IP6K1: variants seen among roughly 807,000 people sequenced by gnomAD.
The protein encoded by IP6K1 is inositol hexakisphosphate kinase 1, also known as ATP:1D-myo-inositol-hexakisphosphate phosphotransferase.
In IP6K1, 13 loss-of-function variants were observed where a neutral mutation model predicts 38.3. The observed-to-expected ratio is 0.34, with a 90% confidence interval of 0.22 to 0.54. The LOEUF (loss-of-function observed/expected upper bound fraction) is 0.54, where lower values mean the gene tolerates loss of function less well. Among genes scored for constraint, IP6K1 ranks in the 20% least tolerant of loss-of-function variants. The pLI is 0.92. For missense variants in IP6K1, 397 were observed against 599.8 expected, an observed-to-expected ratio of 0.66 and a Z score of 3.53; for synonymous variants, 212 against 229.9, an observed-to-expected ratio of 0.92 and a Z score of 0.70.
Position 49,738,093 on chromosome 3 carries a change from C to A in IP6K1, c.434+119G>T, listed in dbSNP as rs2080630408. 4 of 785,330 alleles carry A rather than the reference C, an allele frequency of 5.1e-6. No homozygotes were observed. The South Asian group carries it at 6.4e-5, about 13-fold the overall frequency. The allele number at this position is 785,330 out of a possible 1,614,324, so 48.6% of individuals were successfully genotyped here. On this transcript the variant is annotated intron_variant, in intron 3 of 5. Transcript: ENST00000321599. The stretch of plus-strand genomic sequence containing the variant: ...AAGAGGCTACACCTGTGTGGGTATC[C>A]CAAGAACACCAGTCATCTTATCCAA...
chr3:49,727,989 A>G lies in IP6K1; in HGVS notation c.792+114T>C. The G allele has an allele frequency of 9.5e-7, 1 of 1,048,998 alleles. No individual in the cohort carries two copies. The highest frequency in any genetic ancestry group is 2.4e-5 in the East Asian group (1 of 41,938). 65.0% of individuals were successfully genotyped at this position (1,048,998 alleles called of 1,614,324 possible). On this transcript the variant is annotated intron_variant, in intron 5 of 5. Transcript: ENST00000321599. The surrounding 1 kb of genome is among the most constrained non-coding windows in gnomAD (Gnocchi z 5.9). ...ACCTGAGGCCCATATCAAAGTCAAC[A>G]GGTAAGGACAGAGGGGCTCAGGAGG...
chr3:49,730,412 C>T (rs1006918121), intron 4 of IP6K1, among the ~76,000 whole-genome samples: 1 of 152,202 alleles, frequency 6.6e-6, no homozygotes, highest in African/African-American at 2.4e-5. Context: ...ATCAGTGAAC[C>T]AAGGCCCTAC....
At chr3:49,755,985 A>C (rs2080819157) in intron 1 of IP6K1, among the ~76,000 whole-genome samples, 1 of 152,212 alleles carries the variant, frequency 6.6e-6, no homozygotes, top group African/African-American at 2.4e-5. Context: ...TTCTTCATGT[A>C]AGTAGGGCTG....
intron 2 of IP6K1, among the ~76,000 whole-genome samples, chr3:49,741,261 C>T (rs2080666670): frequency 6.6e-6 from 1 of 152,180 alleles, no homozygotes; most frequent in Non-Finnish European, 1.5e-5. Flanking sequence ...GTGGCTACAC[C>T]ACTTTACATT....
chr3:49,763,215 T>C (rs2108251305), intron 1 of IP6K1, among the ~76,000 whole-genome samples: 1 of 151,442 alleles, frequency 6.6e-6, no homozygotes, highest in Non-Finnish European at 1.5e-5. Flanking sequence ...ACCATTCTCC[T>C]GCCTAAGCCT....
chr3:49,780,576 G>A (rs1428247980), intron 1 of IP6K1, among the ~76,000 whole-genome samples: 1 of 152,082 alleles, frequency 6.6e-6, no homozygotes, highest in Non-Finnish European at 1.5e-5. Flanking sequence ...AGGGCAGGCA[G>A]CAAATACTGC....
chr3:49,756,797 A>T (rs1337188916), intron 1 of IP6K1, among the ~76,000 whole-genome samples: 1 of 147,908 alleles, frequency 6.8e-6, no homozygotes, highest in Non-Finnish European at 1.5e-5. Context: ...CGCCTGGGCA[A>T]CAAGGGCAAA....
At chr3:49,777,094 A>C (rs2081023144) in intron 1 of IP6K1, among the ~76,000 whole-genome samples, 3 of 152,054 alleles carry the variant, frequency 2.0e-5, no homozygotes, top group African/African-American at 7.2e-5. Context: ...GAATCAGTCC[A>C]TTGTGGTGGC....
chr3:49,753,890 G>A (rs763300479), intron 1 of IP6K1, among the ~76,000 whole-genome samples: 3 of 151,964 alleles, frequency 2.0e-5, no homozygotes, highest in Non-Finnish European at 4.4e-5. Context: ...GATATATGAA[G>A]GAAAAATAGG....
intron 2 of IP6K1, among the ~76,000 whole-genome samples, chr3:49,741,015 C>T (rs1177328846): frequency 1.3e-5 from 2 of 151,954 alleles, no homozygotes; most frequent in Admixed American, 6.6e-5. Flanking sequence ...CGCTCGGCTA[C>T]TTTTTGTATT....
chr3:49,733,452 CTT>C (rs1209675708), intron 3 of IP6K1, among the ~76,000 whole-genome samples: 1 of 152,182 alleles, frequency 6.6e-6, no homozygotes, highest in East Asian at 1.9e-4. Flanking sequence ...CAAACAGACA[CTT>C]TACGTCAACA....
intron 1 of IP6K1, among the ~76,000 whole-genome samples, chr3:49,760,275 TG>T (rs748383685): frequency 2.6e-5 from 4 of 152,112 alleles, no homozygotes; most frequent in Non-Finnish European, 4.4e-5. Context: ...TTCAGAGAGA[TG>T]GGGACTAACC....
rs2080481588 is a variant in IP6K1, at chr3:49,724,776, G to A, written c.*2346C>T. On this transcript the variant is annotated 3_prime_UTR_variant, in exon 6 of 6. Coordinates refer to ENST00000321599, the MANE Select transcript of IP6K1 (RefSeq NM_153273.4). Reference sequence around the variant, plus strand: ...CACTGCACAGGCCCAGAGAGGGAGGGGTGGGGTCCCTGGCAAGTTGCTACA... The same window carrying A: ...CACTGCACAGGCCCAGAGAGGGAGGAGTGGGGTCCCTGGCAAGTTGCTACA... The A allele has an allele frequency of 6.5e-6, 1 of 152,726 alleles. No homozygotes were observed. 9.5% of individuals were successfully genotyped at this position (152,726 alleles called of 1,614,324 possible). A position where few individuals can be genotyped will look rare whatever the true frequency, so the allele number is the denominator to read the frequency against.
intron 2 of IP6K1, among the ~76,000 whole-genome samples, chr3:49,740,375 A>C (rs1035133787): frequency 6.6e-6 from 1 of 152,036 alleles, no homozygotes; most frequent in Non-Finnish European, 1.5e-5. Context: ...CAGCCATTTA[A>C]TCATTTTTAA....
intron 2 of IP6K1, among the ~76,000 whole-genome samples, chr3:49,740,265 T>C (rs1431664960): frequency 6.7e-6 from 1 of 149,710 alleles, no homozygotes; most frequent in African/African-American, 2.5e-5. Flanking sequence ...GCGACAAGGC[T>C]TGCTATGTTG....
intron 2 of IP6K1, among the ~76,000 whole-genome samples, chr3:49,743,936 G>C (rs892609667): frequency 2.0e-5 from 3 of 151,878 alleles, no homozygotes; most frequent in Non-Finnish European, 4.4e-5. Context: ...TGGTTTCGAG[G>C]CTGCAGTGAG....
In IP6K1 at chr3:49,748,118, C is replaced by T. The variant is rs2080739277; in HGVS notation, c.-78G>A. On this transcript the variant is annotated 5_prime_UTR_variant, in exon 2 of 6. Transcript: ENST00000321599. ...CAAAAGGAGAGCTACATAGAAGGTC[C>T]TGGCCAGGTGAAAGCCAATGGTCAG... 4.7e-6 allele frequency: 7 copies of T among 1,483,606 alleles called. No homozygotes were observed. The highest frequency in any genetic ancestry group is 3.5e-5 in the Admixed American group (2 of 57,650). The allele number at this position is 1,483,606 out of a possible 1,614,324, so 91.9% of individuals were successfully genotyped here.
chr3:49,774,950 A>G (rs1405781127), intron 1 of IP6K1, among the ~76,000 whole-genome samples: 1 of 151,944 alleles, frequency 6.6e-6, no homozygotes, highest in African/African-American at 2.4e-5. Flanking sequence ...ACCAATTAAT[A>G]TACAACCTTC....
At chr3:49,779,152 T>TA (rs2081044167) in intron 1 of IP6K1, among the ~76,000 whole-genome samples, 1 of 152,234 alleles carries the variant, frequency 6.6e-6, no homozygotes, top group African/African-American at 2.4e-5. Context: ...CTCCAAGCCC[T>TA]AAGCAATCAC....
Sources: gnomAD v4.1 joint callset for allele counts (sites outside exome capture counted in the v4.1 genomes callset) on GRCh38, gnomAD v4.1.1 for gene constraint, Gnocchi (gnomAD v3.1) non-coding constraint, MANE v1.5 for transcripts, NCBI Gene and HGNC (gene_info 2026-07-23, HGNC 2026-07-21) for gene names.